The following CFAP47 variants were observed in gnomAD, a reference collection of about 807,000 sequenced individuals.
CFAP47 encodes the protein cilia- and flagella-associated protein 47.
A neutral mutation model predicts 148.1 loss-of-function variants in CFAP47; 29 were observed. The ratio of observed to expected loss-of-function variants is 0.20; its 90% CI spans 0.15 to 0.27. The LOEUF (loss-of-function observed/expected upper bound fraction) is 0.27, where lower values mean the gene tolerates loss of function less well. Ranked by LOEUF, CFAP47 falls within the 10% of genes least tolerant of loss-of-function variation. The pLI, the probability that CFAP47 is intolerant of heterozygous loss-of-function variation, is 1.00. For missense variants in CFAP47, 1,872 were observed against 1,697.5 expected (o/e 1.10, Z -1.81); for synonymous variants, 664 against 577.3 (o/e 1.15, Z -2.15).
chrX:36,355,528 A>C (rs1602123427), intron 60 of CFAP47, among the ~76,000 whole-genome samples: 1 of 111,989 alleles, frequency 8.9e-6, no homozygotes, highest in East Asian at 2.8e-4. Context: ...ATCTTGAAAT[A>C]ATATTCAGCC....
intron 1 of CFAP47, among the ~76,000 whole-genome samples, chrX:35,924,348 C>T (rs1022208012): frequency 9.6e-6 from 1 of 103,824 alleles, no homozygotes; most frequent in Non-Finnish European, 2.0e-5. Context: ...TATATGTGTG[C>T]ATATGTGTAT....
chrX:36,108,986 C>A (rs1422257458), intron 33 of CFAP47, among the ~76,000 whole-genome samples: 2 of 110,749 alleles, frequency 1.8e-5, no homozygotes, highest in African/African-American at 6.6e-5. Flanking sequence ...TCAGTGTCTG[C>A]TGTTCCCCTC....
chrX:36,041,419 A>G (rs1436934315), intron 25 of CFAP47, among the ~76,000 whole-genome samples: 4 of 111,962 alleles, frequency 3.6e-5, no homozygotes, highest in East Asian at 2.8e-4. Context: ...ATATACTGGG[A>G]ATAAGTAGAA....
intron 42 of CFAP47, among the ~76,000 whole-genome samples, chrX:36,193,027 T>C (rs1172768488): frequency 8.9e-6 from 1 of 111,771 alleles, no homozygotes; most frequent in African/African-American, 3.3e-5. Context: ...TTCTTAAGTA[T>C]ATTAATGTCA....
intron 39 of CFAP47, among the ~76,000 whole-genome samples, chrX:36,176,033 G>C (rs1283463374): frequency 9.1e-6 from 1 of 109,847 alleles, no homozygotes; most frequent in Non-Finnish European, 1.9e-5. Flanking sequence ...TCGGAAAAGC[G>C]CAGTATTCAG....
rs778597133 is a variant in CFAP47, at chrX:36,107,480, A to G, written c.5320+2789A>G. ...TGAATAAATATCTCTTAAATAAATC[A>G]ATGGCTAAATGGATGGTTATATAGA... On this transcript the variant is annotated intron_variant, in intron 33 of 63. Transcript: ENST00000378653. Among the ~76,000 whole-genome samples the G allele has an allele frequency of 6.2e-5, 7 of 112,708 alleles. No homozygotes were observed. The East Asian group carries it at 2.0e-3, about 31-fold the overall frequency.
At position 36,331,259 on chromosome X, in the gene CFAP47, AT is replaced by A. The variant is rs200212863; in HGVS notation, c.8443+11960del. ...CTTGAAATGTTATATTCACTTGACT[AT>A]TTTTTTTCTAATCTGTCATTGTTCA... On this transcript the variant is annotated intron_variant, in intron 57 of 63. Transcript: ENST00000378653. 3.6e-5 allele frequency among the ~76,000 whole-genome samples: 4 copies of A among 110,374 alleles called. No individual in the cohort carries two copies. The East Asian group carries it at 8.6e-4, about 24-fold the overall frequency.
At chrX:36,211,832 A>T (rs1197982104) in intron 45 of CFAP47, among the ~76,000 whole-genome samples, 1 of 111,515 alleles carries the variant, frequency 9.0e-6, no homozygotes, top group Non-Finnish European at 1.9e-5. Context: ...ATTGAAATGT[A>T]AGGCTGTGTA....
intron 33 of CFAP47, among the ~76,000 whole-genome samples, chrX:36,113,412 GC>G (rs1938585629): frequency 9.0e-6 from 1 of 111,418 alleles, no homozygotes; most frequent in Admixed American, 9.5e-5. Context: ...TTGAATATTG[GC>G]CCCCCATCTT....
intron 22 of CFAP47, among the ~76,000 whole-genome samples, chrX:36,024,479 A>C (rs1569235368): frequency 2.7e-5 from 3 of 111,397 alleles, no homozygotes; most frequent in Non-Finnish European, 5.7e-5. Context: ...CCTCCCCAGA[A>C]CACTGGCTCT....
chrX:36,031,160 T>G (rs1937274430), intron 22 of CFAP47, 93 bp from the exon 23 acceptor site: 2 of 266,678 alleles, frequency 7.5e-6, no homozygotes, highest in African/African-American at 2.8e-5. Flanking sequence ...AAATCTTATT[T>G]TCTTATTGTT....
At chrX:36,375,054 C>T in intron 62 of CFAP47, 1 of 440,215 alleles carries the variant, frequency 2.3e-6, no homozygotes, top group Admixed American at 2.5e-5. Context: ...AGTGTAACCA[C>T]ACTTCATCAT....
chrX:36,004,316 A>G (rs1936955600), intron 21 of CFAP47, among the ~76,000 whole-genome samples: 1 of 111,270 alleles, frequency 9.0e-6, no homozygotes, highest in African/African-American at 3.3e-5. Context: ...GACCAAGCCA[A>G]GAGCCAAATC....
At chrX:36,149,617 A>ATTTT (rs5902125) in intron 37 of CFAP47, among the ~76,000 whole-genome samples, 87 of 96,546 alleles carry the variant, frequency 9.0e-4, no homozygotes, top group Middle Eastern at 5.1e-3. Context: ...TATTTATTTT[A>ATTTT]TTTTTTTTTG....
chrX:36,220,442 A>T (rs1940202802), intron 45 of CFAP47, among the ~76,000 whole-genome samples: 1 of 110,564 alleles, frequency 9.0e-6, no homozygotes, highest in African/African-American at 3.3e-5. Flanking sequence ...TTATATATAT[A>T]TTTTTAAGAT....
chrX:36,048,726 G>A (rs772884477), intron 26 of CFAP47, among the ~76,000 whole-genome samples: 1 of 111,941 alleles, frequency 8.9e-6, no homozygotes, highest in South Asian at 3.7e-4. Flanking sequence ...TGGTGCAAAA[G>A]CAATTGCAGT....
rs375487644 is a variant in CFAP47, at chrX:35,951,879, C to G, written c.962C>G (p.Thr321Ser). 9 of 1,173,140 alleles carry G rather than the reference C, an allele frequency of 7.7e-6. No individual in the cohort carries two copies. The highest frequency in any genetic ancestry group is 7.9e-6 in the Non-Finnish European group (7 of 883,926). Residue 321 changes from threonine to serine, a missense_variant, in exon 6 of 64, where the codon ACT (threonine) becomes AGT (serine). Thr to Ser is a moderately conservative substitution (Grantham distance 58). Transcript: ENST00000378653. Reference protein sequence around the residue: ...TYIRKIKNIDTTIIISCLPNE... With the variant: ...TYIRKIKNIDSTIIISCLPNE... ...ATAAGAAAAATAAAGAACATAGATA[C>G]TACTATCATTATCTCCTGTCTTCCT...
At chrX:36,376,011 A>G (rs1229575813) in intron 62 of CFAP47, among the ~76,000 whole-genome samples, 1 of 112,028 alleles carries the variant, frequency 8.9e-6, no homozygotes, top group African/African-American at 3.2e-5. Context: ...GCAGGCAGCA[A>G]TGAGGCTAGA....
intron 49 of CFAP47, among the ~76,000 whole-genome samples, chrX:36,252,341 A>G (rs1290481090): frequency 4.6e-5 from 5 of 109,501 alleles, no homozygotes; most frequent in Non-Finnish European, 7.6e-5. Flanking sequence ...TGCAGAGAGC[A>G]TACTGGATGC....
Sources: allele counts gnomAD v4.1 joint callset (sites outside exome capture counted in the v4.1 genomes callset), GRCh38; gene constraint gnomAD v4.1.1; transcripts MANE v1.5; gene names NCBI Gene and HGNC (gene_info 2026-07-23, HGNC 2026-07-21).